TMEM114: variants seen among roughly 807,000 people sequenced by gnomAD.
TMEM114 encodes claudin-26.
Under a neutral mutation model 6.2 loss-of-function variants are expected in TMEM114, and 6 were observed. That is an observed-to-expected ratio of 0.97 (90% CI 0.53 to 1.91). The LOEUF (loss-of-function observed/expected upper bound fraction) is 1.91. TMEM114 is among the 40% of genes most tolerant of loss of function. TMEM114 has a pLI of 0.01. For missense variants in TMEM114, 218 were observed against 158.3 expected (o/e 1.38, Z -2.02); for synonymous variants, 104 against 73.0 (o/e 1.42, Z -2.16).
At chr16:8,572,720 G>A (rs1281826586) in intron 2 of TMEM114, among the ~76,000 whole-genome samples, 5 of 152,212 alleles carry the variant, frequency 3.3e-5, no homozygotes, top group African/African-American at 1.2e-4. Flanking sequence ...ACAGGTGTGA[G>A]CCACTGTGCC....
intron 2 of TMEM114, among the ~76,000 whole-genome samples, chr16:8,555,468 TC>T (rs199776611): frequency 0.087 from 11,408 of 131,514 alleles, 525 homozygotes; most frequent in Middle Eastern, 0.2. Flanking sequence ...AGCAGTAATT[TC>T]CGGGTGGTGG....
chr16:8,550,724 A>G (rs1407944276), intron 2 of TMEM114, among the ~76,000 whole-genome samples: 1 of 150,390 alleles, frequency 6.6e-6, no homozygotes, highest in Non-Finnish European at 1.5e-5. Flanking sequence ...AAGCAAACAA[A>G]CAAACACTGG....
chr16:8,554,816 G>T (rs922981944), intron 2 of TMEM114, among the ~76,000 whole-genome samples: 9 of 152,166 alleles, frequency 5.9e-5, no homozygotes, highest in African/African-American at 2.2e-4. Flanking sequence ...AACCCTGAGG[G>T]TAGGCACTGA....
At position 8,539,414 on chromosome 16, in the gene TMEM114, G is replaced by T. The variant is rs542067504; in HGVS notation, n.213-1588C>A. Reference sequence around the variant, plus strand: ...TGGCCCGAGTGACTGCTCCAGCTCCGCAAAGCCTCCTTCTCTCTCTGACCC... The same window carrying T: ...TGGCCCGAGTGACTGCTCCAGCTCCTCAAAGCCTCCTTCTCTCTCTGACCC... On this transcript the variant is annotated intron_variant and non_coding_transcript_variant, in intron 2 of 2. Coordinates refer to the TMEM114 transcript ENST00000623677. Among the ~76,000 whole-genome samples the T allele has an allele frequency of 2.6e-4, 40 of 152,236 alleles. 1 individual carries two copies. The South Asian group carries it at 5.4e-3, about 21-fold the overall frequency.
intron 2 of TMEM114, among the ~76,000 whole-genome samples, chr16:8,559,464 G>A (rs750247220): frequency 3.9e-5 from 6 of 152,184 alleles, no homozygotes; most frequent in Non-Finnish European, 7.3e-5. Flanking sequence ...GGCCCGCCAT[G>A]GGCTCCCTGA....
At chr16:8,554,477 A>T (rs35576770) in intron 2 of TMEM114, among the ~76,000 whole-genome samples, 1 of 151,686 alleles carries the variant, frequency 6.6e-6, no homozygotes, top group African/African-American at 2.4e-5. Context: ...GACCTCTCAT[A>T]GCCCCTTCAT....
At chr16:8,556,413 T>G (rs1004310641) in intron 2 of TMEM114, among the ~76,000 whole-genome samples, 1 of 152,168 alleles carries the variant, frequency 6.6e-6, no homozygotes, top group Non-Finnish European at 1.5e-5. Flanking sequence ...GGGATGAAAA[T>G]GTTCTAGAAC....
chr16:8,555,700 C>A (rs1425721031), intron 2 of TMEM114, among the ~76,000 whole-genome samples: 1 of 152,178 alleles, frequency 6.6e-6, no homozygotes, highest in Non-Finnish European at 1.5e-5. Context: ...TCAACCAGGA[C>A]AATCGTGTCT....
intron 2 of TMEM114, among the ~76,000 whole-genome samples, chr16:8,576,702 AGCAGGAAG>A (rs1445504538): frequency 5.6e-5 from 7 of 125,556 alleles, no homozygotes; most frequent in East Asian, 2.3e-4. Context: ...AATGAATGAG[AGCAGGAAG>A]GAAGGAAGGA....
intron 2 of TMEM114, among the ~76,000 whole-genome samples, chr16:8,563,283 GAATGAGTGAGTGAATA>G (rs1901350321): frequency 2.0e-5 from 3 of 151,366 alleles, no homozygotes; most frequent in Non-Finnish European, 1.5e-5. Flanking sequence ...ATGAGTGAGG[GAATGAGTGAGTGAATA>G]AATGAGTGAG....
chr16:8,564,885 ATGAG>A (rs1201973913), downstream of TMEM114, among the ~76,000 whole-genome samples: 2 of 32,668 alleles, frequency 6.1e-5, no homozygotes, highest in South Asian at 9.2e-4. Flanking sequence ...GAGGGAGTGA[ATGAG>A]TGAGTGAGTG....
chr16:8,569,658 G>T lies in TMEM114; in HGVS notation c.*115C>A, dbSNP rs1483341844. The T allele has an allele frequency of 2.8e-6, 4 of 1,442,258 alleles. No homozygotes were observed. Among genetic ancestry groups the T allele is most frequent in the East Asian group, 2.5e-5 (1 of 40,034 alleles). The allele number at this position is 1,442,258 out of a possible 1,614,324, so 89.3% of individuals were successfully genotyped here. A position where few individuals can be genotyped will look rare whatever the true frequency, so the allele number is the denominator to read the frequency against. On this transcript the variant is annotated 3_prime_UTR_variant, in exon 4 of 4. Coordinates refer to ENST00000620492, the MANE Select transcript of TMEM114 (RefSeq NM_001146336.2). The stretch of plus-strand genomic sequence containing the variant: ...GGGGATTTGTGGGGGAAGGAGGGGG[G>T]TGCCTGGCCTCCCCGAGTGGCCTTT...
chr16:8,567,469 GT>G (rs1901582605), downstream of TMEM114, among the ~76,000 whole-genome samples: 1 of 152,224 alleles, frequency 6.6e-6, no homozygotes, highest in South Asian at 2.1e-4. Flanking sequence ...GTGCACACAT[GT>G]TTTGGTTTGT....
intron 2 of TMEM114, among the ~76,000 whole-genome samples, chr16:8,561,832 G>T (rs558294740): frequency 6.6e-6 from 1 of 151,864 alleles, no homozygotes; most frequent in Non-Finnish European, 1.5e-5. Context: ...GAATGAGTGA[G>T]TGAATGAGTG....
downstream of TMEM114, among the ~76,000 whole-genome samples, chr16:8,566,985 C>T (rs893286117): frequency 1.3e-5 from 2 of 148,326 alleles, no homozygotes; most frequent in Admixed American, 6.8e-5. Context: ...ACTGTAACCT[C>T]CACCTCCTGG....
intron 2 of TMEM114, among the ~76,000 whole-genome samples, chr16:8,588,431 G>T (rs1453417630): frequency 6.6e-6 from 1 of 152,182 alleles, no homozygotes; most frequent in East Asian, 1.9e-4. Flanking sequence ...ACTTCATAGG[G>T]TGTGGCTGTG....
At chr16:8,551,976 G>C (rs372257380) in intron 2 of TMEM114, among the ~76,000 whole-genome samples, 1 of 152,180 alleles carries the variant, frequency 6.6e-6, no homozygotes, top group African/African-American at 2.4e-5. Flanking sequence ...AGAAAAGCCA[G>C]TCTCCAAAGA....
chr16:8,559,379 C>T (rs1194025292), intron 2 of TMEM114, among the ~76,000 whole-genome samples: 1 of 151,732 alleles, frequency 6.6e-6, no homozygotes, highest in Non-Finnish European at 1.5e-5. Flanking sequence ...CTGCTTCCAT[C>T]GCACAGATCA....
chr16:8,554,454 G>C (rs1900944228), intron 2 of TMEM114, among the ~76,000 whole-genome samples: 1 of 152,004 alleles, frequency 6.6e-6, no homozygotes, highest in African/African-American at 2.4e-5. Flanking sequence ...CAGAGAGAGA[G>C]AATCTCCTTC....
Sources: gnomAD v4.1 joint callset for allele counts (sites outside exome capture counted in the v4.1 genomes callset) on GRCh38, gnomAD v4.1.1 for gene constraint, MANE v1.5 for transcripts, NCBI Gene and HGNC (gene_info 2026-07-23, HGNC 2026-07-21) for gene names.